NAALADL2: variants seen among roughly 807,000 people sequenced by gnomAD.
The protein encoded by NAALADL2 is inactive N-acetylated-alpha-linked acidic dipeptidase-like protein 2.
In NAALADL2, 76 loss-of-function variants were observed where a neutral mutation model predicts 87.2. The observed-to-expected ratio is 0.87, with a 90% confidence interval of 0.72 to 1.05. NAALADL2 has a LOEUF of 1.05. Ranked by LOEUF, NAALADL2 falls within the 50% of genes least tolerant of loss-of-function variation. The pLI is 0.00. For synonymous variants in NAALADL2, 354 were observed against 331.0 expected (o/e 1.07, Z -0.75); for missense variants, 1,089 against 945.8 (o/e 1.15, Z -1.99).
intron 1 of NAALADL2, among the ~76,000 whole-genome samples, chr3:174,865,307 G>A (rs918345748): frequency 5.3e-5 from 8 of 152,006 alleles, no homozygotes; most frequent in African/African-American, 1.4e-4. Flanking sequence ...AGGTGTGCAC[G>A]TATGCTTGTT....
chr3:175,257,114 T>C (rs938501291), intron 4 of NAALADL2: 12 of 151,756 alleles, frequency 7.9e-5, no homozygotes, highest in African/African-American at 2.2e-4. Context: ...GATACACTTA[T>C]GTAATTAAGT....
At chr3:175,484,312 T>G (rs1358711793) in intron 9 of NAALADL2, among the ~76,000 whole-genome samples, 1 of 152,164 alleles carries the variant, frequency 6.6e-6, no homozygotes, top group Non-Finnish European at 1.5e-5. Flanking sequence ...TATCTGTTTT[T>G]GAAAGTATCT....
chr3:174,920,481 T>C (rs1203498372), intron 1 of NAALADL2, among the ~76,000 whole-genome samples: 4 of 152,192 alleles, frequency 2.6e-5, no homozygotes, highest in Non-Finnish European at 4.4e-5. Flanking sequence ...CTTCTGTATC[T>C]TCCTCACCTG....
chr3:174,994,070 A>AT (rs1747101517), intron 1 of NAALADL2, among the ~76,000 whole-genome samples: 1 of 152,134 alleles, frequency 6.6e-6, no homozygotes, highest in Non-Finnish European at 1.5e-5. Flanking sequence ...CAAAGACCCT[A>AT]TTTCCAAATT....
chr3:175,625,199 G>A (rs894868136), intron 10 of NAALADL2, among the ~76,000 whole-genome samples: 5 of 151,944 alleles, frequency 3.3e-5, no homozygotes, highest in African/African-American at 1.2e-4. Flanking sequence ...TTCCACATTT[G>A]ACCCTTGGAT....
intron 1 of NAALADL2, among the ~76,000 whole-genome samples, chr3:174,992,882 T>C (rs1290692710): frequency 6.6e-6 from 1 of 152,066 alleles, no homozygotes; most frequent in Non-Finnish European, 1.5e-5. Context: ...AATAACAGTG[T>C]TTTTTTAGAT....
chr3:175,016,277 A>ATT (rs60595167), intron 1 of NAALADL2, among the ~76,000 whole-genome samples: 1 of 147,822 alleles, frequency 6.8e-6, no homozygotes, highest in East Asian at 1.9e-4. Flanking sequence ...ATATATATAT[A>ATT]AAAAACAATA....
At position 175,066,624 on chromosome 3, in the gene NAALADL2, T is replaced by C. The variant is rs1714588825; in HGVS notation, c.44-30166T>C. Among the ~76,000 whole-genome samples, 3 of 152,172 alleles carry C rather than the reference T, an allele frequency of 2.0e-5. No homozygotes were observed. The South Asian group carries it at 6.2e-4, about 31-fold the overall frequency. ...TGAGGTGGGATTGTTTCTTGGTTAG[T>C]TTGGATGCTTTTCCTGGAAGATATT... On this transcript the variant is annotated intron_variant, in intron 1 of 13. Coordinates refer to ENST00000454872, the MANE Select transcript of NAALADL2 (RefSeq NM_207015.3).
intron 2 of NAALADL2, among the ~76,000 whole-genome samples, chr3:174,583,617 A>G (rs1046239336): frequency 2.0e-5 from 3 of 152,180 alleles, no homozygotes; most frequent in African/African-American, 7.2e-5. Context: ...GCCATAATAG[A>G]GGCATTATGA....
intron 5 of NAALADL2, among the ~76,000 whole-genome samples, chr3:175,441,002 G>A (rs1207261649): frequency 6.6e-6 from 1 of 152,020 alleles, no homozygotes; most frequent in Non-Finnish European, 1.5e-5. Context: ...GTTGATTTGT[G>A]GTTTACTGAT....
intron 3 of NAALADL2, among the ~76,000 whole-genome samples, chr3:174,793,786 T>A (rs2140284): frequency 0.038 from 5,731 of 152,074 alleles, 379 homozygotes; most frequent in African/African-American, 0.13. Flanking sequence ...TTGAAAAAAG[T>A]TTTATGTTAG....
chr3:175,398,344 CTTT>C (rs776575751), intron 5 of NAALADL2, among the ~76,000 whole-genome samples: 10 of 112,088 alleles, frequency 8.9e-5, no homozygotes, highest in African/African-American at 3.0e-4. Context: ...GCTTCTGCTA[CTTT>C]TTTTTTTTTT....
At chr3:174,493,470 A>G (rs1387854968) in intron 1 of NAALADL2, among the ~76,000 whole-genome samples, 1 of 152,220 alleles carries the variant, frequency 6.6e-6, no homozygotes, top group African/African-American at 2.4e-5. Flanking sequence ...GTTATTCCCC[A>G]TAGTCCTCAG....
chr3:174,818,723 C>T (rs1721063342), intron 3 of NAALADL2, among the ~76,000 whole-genome samples: 1 of 152,024 alleles, frequency 6.6e-6, no homozygotes, highest in African/African-American at 2.4e-5. Flanking sequence ...CAGAAATTCC[C>T]ATTGATAGTG....
intron 1 of NAALADL2, among the ~76,000 whole-genome samples, chr3:174,905,704 A>G (rs1732876854): frequency 6.6e-6 from 1 of 151,966 alleles, no homozygotes; most frequent in Non-Finnish European, 1.5e-5. Flanking sequence ...TTTGTGGGAG[A>G]GTATAAGAAG....
intron 1 of NAALADL2, among the ~76,000 whole-genome samples, chr3:174,895,868 T>G (rs1731464510): frequency 1.3e-5 from 2 of 152,274 alleles, no homozygotes; most frequent in African/African-American, 4.8e-5. Context: ...GATTTATCCC[T>G]GAGATGCAAG....
intron 10 of NAALADL2, among the ~76,000 whole-genome samples, chr3:175,620,622 G>A (rs1726082000): frequency 2.6e-5 from 4 of 152,138 alleles, no homozygotes; most frequent in Admixed American, 2.6e-4. Flanking sequence ...GCAATTCGGC[G>A]AGCAGGAGGG....
chr3:174,573,889 C>G (rs1415626300), intron 2 of NAALADL2, among the ~76,000 whole-genome samples: 1 of 152,100 alleles, frequency 6.6e-6, no homozygotes, highest in Non-Finnish European at 1.5e-5. Flanking sequence ...TGTACCATAT[C>G]TAAACCATAG....
At chr3:174,782,430 C>G (rs1156425869) in intron 3 of NAALADL2, among the ~76,000 whole-genome samples, 2 of 151,302 alleles carry the variant, frequency 1.3e-5, no homozygotes, top group African/African-American at 2.4e-5. Context: ...ATTATTATTC[C>G]AATATTTGCC....
Sources: gnomAD v4.1 joint callset for allele counts (sites outside exome capture counted in the v4.1 genomes callset) on GRCh38, gnomAD v4.1.1 for gene constraint, MANE v1.5 for transcripts, NCBI Gene and HGNC (gene_info 2026-07-23, HGNC 2026-07-21) for gene names.